Variants in CCL24 observed in about 807,000 individuals in gnomAD.
CCL24 encodes the protein C-C motif chemokine 24.
Under a neutral mutation model 8.6 loss-of-function variants are expected in CCL24, and 6 were observed. That is an observed-to-expected ratio of 0.70 (90% CI 0.38 to 1.38). The LOEUF (loss-of-function observed/expected upper bound fraction) is 1.38, where lower values mean the gene tolerates loss of function less well. CCL24 is among the 40% of genes most tolerant of loss of function. The pLI, the probability that CCL24 is intolerant of heterozygous loss-of-function variation, is 0.02. For synonymous variants in CCL24, 59 were observed against 52.7 expected, an observed-to-expected ratio of 1.12 and a Z score of -0.52; for missense variants, 126 against 147.1, an observed-to-expected ratio of 0.86 and a Z score of 0.74.
chr7:75,814,036 A>G (rs1401638359), upstream of CCL24, among the ~76,000 whole-genome samples: 1 of 152,194 alleles, frequency 6.6e-6, no homozygotes, highest in African/African-American at 2.4e-5. Flanking sequence ...ATGCATTGTC[A>G]GAAGGCCCAT....
At chr7:75,817,784 T>C (rs2115796931), upstream of CCL24, among the ~76,000 whole-genome samples, 1 of 151,948 alleles carries the variant, frequency 6.6e-6, no homozygotes, top group Admixed American at 6.6e-5. Flanking sequence ...ATTACAGGCA[T>C]GAGCCACCGC....
chr7:75,814,832 G>A (rs1202376367), upstream of CCL24, among the ~76,000 whole-genome samples: 3 of 151,950 alleles, frequency 2.0e-5, no homozygotes, highest in African/African-American at 7.2e-5. Context: ...CCTGTTTCCT[G>A]AGTTTCCAAC....
intron 1 of CCL24, among the ~76,000 whole-genome samples, chr7:75,821,480 G>A (rs1804047378): frequency 6.6e-6 from 1 of 152,150 alleles, no homozygotes; most frequent in South Asian, 2.1e-4. Flanking sequence ...GAAAAGGAAG[G>A]ATTGTCTAGG....
In CCL24 at chr7:75,819,145, G is replaced by A. The variant is rs982154605; in HGVS notation, c.-60+4177C>T. ...CAGCTGGGCGTGGTGGCACATGACT[G>A]TAATCCCAGCTGCTCGGGAGGCTGA... On this transcript the variant is annotated intron_variant, in intron 1 of 3. Transcript: ENST00000416943. Among the ~76,000 whole-genome samples the A allele has an allele frequency of 6.8e-5, 10 of 147,818 alleles. No individual in the cohort carries two copies. The South Asian group carries it at 1.9e-3, about 28-fold the overall frequency.
chr7:75,819,432 C>G (rs1338468147), intron 1 of CCL24, among the ~76,000 whole-genome samples: 6 of 145,954 alleles, frequency 4.1e-5, no homozygotes, highest in Non-Finnish European at 7.5e-5. Flanking sequence ...CGAGACCAGC[C>G]TAGGCAACAT....
intron 1 of CCL24, among the ~76,000 whole-genome samples, chr7:75,820,356 CT>C: frequency 6.6e-6 from 1 of 151,888 alleles, no homozygotes. Context: ...TTTTTTTGTA[CT>C]TTTAGTGGAG....
chr7:75,821,594 C>T (rs904524681), intron 1 of CCL24, among the ~76,000 whole-genome samples: 2 of 151,914 alleles, frequency 1.3e-5, no homozygotes, highest in Non-Finnish European at 2.9e-5. Flanking sequence ...TGGTAGATGC[C>T]CGAGGCAGGC....
At chr7:75,821,883 C>G (rs1457532589) in intron 1 of CCL24, among the ~76,000 whole-genome samples, 3 of 148,652 alleles carry the variant, frequency 2.0e-5, no homozygotes, top group South Asian at 2.1e-4. Flanking sequence ...AGCCGAGATC[C>G]CGCCACTGCA....
intron 1 of CCL24, 56 bp downstream of exon 1, chr7:75,813,587 C>T (rs1265309730): frequency 2.0e-6 from 3 of 1,493,916 alleles, no homozygotes; most frequent in Admixed American, 1.7e-5. Flanking sequence ...GTCCTGCACC[C>T]CCCACTGTGC....
chr7:75,819,338 TC>T (rs1803977058), intron 1 of CCL24, among the ~76,000 whole-genome samples: 1 of 71,374 alleles, frequency 1.4e-5, no homozygotes, highest in African/African-American at 6.1e-5. Context: ...ATATATATAT[TC>T]ATAGGCTGGG....
At position 75,813,729 on chromosome 7, in the gene CCL24, G is replaced by A; in HGVS notation, c.-14C>T. The A allele has an allele frequency of 6.2e-7, 1 of 1,611,926 alleles. No homozygotes were observed. The highest frequency in any genetic ancestry group is 2.2e-5 in the East Asian group (1 of 44,862). On this transcript the variant is annotated 5_prime_UTR_variant, in exon 1 of 3. Coordinates refer to ENST00000222902, the MANE Select transcript of CCL24 (RefSeq NM_002991.3). ...CAGGCCTGCCATGTCTCAGAGAGCAGAAGCACCAGCTCGGGGCTCAAAGCT... is the reference window on the plus strand; with the variant it reads ...CAGGCCTGCCATGTCTCAGAGAGCAAAAGCACCAGCTCGGGGCTCAAAGCT...
intron 1 of CCL24, among the ~76,000 whole-genome samples, chr7:75,821,269 C>G (rs1554535059): frequency 6.6e-6 from 1 of 151,908 alleles, no homozygotes; most frequent in African/African-American, 2.4e-5. Context: ...GAGATGAAGT[C>G]AAAGCAGAGG....
At chr7:75,814,976 A>T (rs1803858871), upstream of CCL24, among the ~76,000 whole-genome samples, 1 of 150,138 alleles carries the variant, frequency 6.7e-6, no homozygotes, top group Non-Finnish European at 1.5e-5. Context: ...ATCCCTGCCA[A>T]GGGTCTGCTT....
Position 75,811,166 on chromosome 7 carries a change from AT to A in CCL24, c.*629del, listed in dbSNP as rs1426077089. Among the ~76,000 whole-genome samples the A allele has an allele frequency of 1.1e-3, 162 of 147,690 alleles. No individual in the cohort carries two copies. The highest frequency in any genetic ancestry group is 5.4e-3 in the East Asian group (27 of 5,040). On this transcript the variant is annotated 3_prime_UTR_variant, in exon 3 of 3. Transcript: ENST00000222902. ...TTCCTTTAAAAAAAAAAAAATTATGATTTTTTTTTTTCAACATAAAAGTTTG... is the reference window on the plus strand; with the variant it reads ...TTCCTTTAAAAAAAAAAAAATTATGATTTTTTTTTTCAACATAAAAGTTTG...
At chr7:75,820,020 T>TCG (rs1585031477) in intron 1 of CCL24, among the ~76,000 whole-genome samples, 2 of 42,346 alleles carry the variant, frequency 4.7e-5, no homozygotes, top group East Asian at 5.5e-4. Context: ...AGTAAACTAC[T>TCG]TCTTCTTCTT....
chr7:75,820,214 T>C (rs996328137), intron 1 of CCL24, among the ~76,000 whole-genome samples: 2 of 150,740 alleles, frequency 1.3e-5, no homozygotes, highest in Non-Finnish European at 2.9e-5. Flanking sequence ...TGAGATGGAA[T>C]CTTGCTTTGT....
intron 1 of CCL24, among the ~76,000 whole-genome samples, chr7:75,820,099 TCTTCTTC>T (rs1804006539): frequency 2.3e-5 from 3 of 128,278 alleles, no homozygotes; most frequent in Non-Finnish European, 5.1e-5. Context: ...CTCTTCTTCT[TCTTCTTC>T]CTTCTTCTTC....
intron 1 of CCL24, among the ~76,000 whole-genome samples, chr7:75,822,289 C>T (rs758715702): frequency 2.6e-5 from 4 of 152,222 alleles, no homozygotes; most frequent in Middle Eastern, 3.4e-3. Context: ...GTTTGAGCCT[C>T]GTCCCAACCA....
upstream of CCL24, among the ~76,000 whole-genome samples, chr7:75,816,897 C>T (rs1332953927): frequency 3.3e-5 from 5 of 151,386 alleles, no homozygotes; most frequent in African/African-American, 1.2e-4. Flanking sequence ...CAAGGTCTCA[C>T]TCTGTTGCCC....
Sources: gnomAD v4.1 joint callset for allele counts (sites outside exome capture counted in the v4.1 genomes callset) on GRCh38, gnomAD v4.1.1 for gene constraint, MANE v1.5 for transcripts, NCBI Gene and HGNC (gene_info 2026-07-23, HGNC 2026-07-21) for gene names.